COBLL1: variants seen among roughly 807,000 people sequenced by gnomAD.
The protein encoded by COBLL1 is cordon-bleu WH2 repeat protein like 1.
Under a neutral mutation model 94.8 loss-of-function variants are expected in COBLL1, and 50 were observed. The observed-to-expected ratio is 0.53, with a 90% CI of 0.42 to 0.67. COBLL1 has a LOEUF of 0.67. Ranked by LOEUF, COBLL1 falls within the 30% of genes least tolerant of loss-of-function variation. The pLI is 0.00. For synonymous variants in COBLL1, 448 were observed against 473.8 expected, an observed-to-expected ratio of 0.95 and a Z score of 0.71; for missense variants, 1,362 against 1,348.7, an observed-to-expected ratio of 1.01 and a Z score of -0.15.
At position 164,727,019 on chromosome 2, in the gene COBLL1, A is replaced by C. The variant is rs575595408; in HGVS notation, c.661+950T>G. Reference sequence around the variant, plus strand: ...CTCATACAGAATGAACACGTTAGTGATGTTAAGAAAGGGTAAAATTAGAAG... The same window carrying C: ...CTCATACAGAATGAACACGTTAGTGCTGTTAAGAAAGGGTAAAATTAGAAG... On this transcript the variant is annotated intron_variant, in intron 5 of 13. Transcript: ENST00000652658. 557 of 627,394 alleles carry C rather than the reference A, an allele frequency of 8.9e-4. 2 individuals are homozygous for C. The highest frequency in any genetic ancestry group is 1.3e-3 in the Non-Finnish European group (467 of 373,234). 38.9% of individuals were successfully genotyped at this position (627,394 alleles called of 1,614,324 possible). A position where few individuals can be genotyped will look rare whatever the true frequency, so the allele number is the denominator to read the frequency against.
chr2:164,752,865 T>C (rs1687197097), intron 2 of COBLL1, among the ~76,000 whole-genome samples: 2 of 152,196 alleles, frequency 1.3e-5, no homozygotes, highest in South Asian at 4.1e-4. Flanking sequence ...GGCCTTCCAT[T>C]TTCTCATTTA....
rs1357319740 is a variant in COBLL1, at chr2:164,693,918, G to A, written c.3123+351C>T. ...TATTACATAGTAATGTAAAATTGGA[G>A]AATAAACCAGAAGATTTAGACAAGT... is the stretch of plus-strand genomic sequence containing the variant. On this transcript the variant is annotated intron_variant, in intron 12 of 13. Transcript: ENST00000652658. Among the ~76,000 whole-genome samples, 4 of 151,960 alleles carry A rather than the reference G, an allele frequency of 2.6e-5. No homozygotes were observed. In the East Asian group the frequency reaches 7.7e-4, roughly 29 times the overall value.
intron 2 of COBLL1, among the ~76,000 whole-genome samples, chr2:164,756,330 C>T (rs529116701): frequency 6.6e-6 from 1 of 152,112 alleles, no homozygotes; most frequent in Non-Finnish European, 1.5e-5. Flanking sequence ...TACTGAGATG[C>T]TAAGTAACAT....
chr2:164,755,170 A>C (rs1270870733), intron 2 of COBLL1, among the ~76,000 whole-genome samples: 1 of 152,054 alleles, frequency 6.6e-6, no homozygotes, highest in African/African-American at 2.4e-5. Context: ...GTCTGCAATA[A>C]ATATATGAAA....
At chr2:164,836,500 G>T (rs1683326777) in intron 2 of COBLL1, among the ~76,000 whole-genome samples, 1 of 152,094 alleles carries the variant, frequency 6.6e-6, no homozygotes, top group South Asian at 2.1e-4. Context: ...AAAAGCATAG[G>T]TTTGGAATCA....
chr2:164,721,807 A>AT (rs998665478), intron 7 of COBLL1: 159 of 213,152 alleles, frequency 7.5e-4, no homozygotes, highest in East Asian at 2.2e-3. Flanking sequence ...AGGTTTTCAG[A>AT]TTTTTTTTTG....
chr2:164,690,165 TAAC>T (rs1429209144), intron 13 of COBLL1, among the ~76,000 whole-genome samples: 3 of 152,130 alleles, frequency 2.0e-5, no homozygotes, highest in Non-Finnish European at 4.4e-5. Context: ...TGGTACACAA[TAAC>T]AACATTTTTA....
chr2:164,673,412 C>G (rs867790074), intron 1 of COBLL1, among the ~76,000 whole-genome samples: 7 of 152,104 alleles, frequency 4.6e-5, no homozygotes, highest in Non-Finnish European at 7.4e-5. Context: ...CAGTGGCTCA[C>G]GCATGTAATC....
chr2:164,667,844 T>C (rs1691186750), intron 1 of COBLL1, among the ~76,000 whole-genome samples: 1 of 152,232 alleles, frequency 6.6e-6, no homozygotes, highest in South Asian at 2.1e-4. Context: ...TGCTTTCTTA[T>C]CATTCATGTG....
rs76951355 is a variant in COBLL1, at chr2:164,706,486, C to T, written c.997-1381G>A. 7.3e-3 allele frequency among the ~76,000 whole-genome samples: 1,116 copies of T among 152,280 alleles called. 12 individuals carry two copies. Among genetic ancestry groups the T allele is most frequent in the African/African-American group, 0.026 (1,072 of 41,562 alleles). On this transcript the variant is annotated intron_variant, in intron 7 of 13. Transcript: ENST00000652658. ...TGCATGCTGATGAATTCCAAATCCA[C>T]GTCTCTATCTTGGACCTCTGTTCTG...
intron 1 of COBLL1, among the ~76,000 whole-genome samples, chr2:164,672,567 C>A (rs1444144379): frequency 6.6e-6 from 1 of 151,608 alleles, no homozygotes; most frequent in Non-Finnish European, 1.5e-5. Context: ...GGCGCGGTGG[C>A]GGGCGCCTGT....
At chr2:164,801,471 C>CAAAAAAAA (rs1683798393) in intron 2 of COBLL1, among the ~76,000 whole-genome samples, 1 of 91,064 alleles carries the variant, frequency 1.1e-5, no homozygotes, top group African/African-American at 5.0e-5. Context: ...AAAAAAAAAG[C>CAAAAAAAA]TTAGCTAAGT....
At chr2:164,690,915 A>G (rs1683556746) in intron 13 of COBLL1, among the ~76,000 whole-genome samples, 1 of 152,204 alleles carries the variant, frequency 6.6e-6, no homozygotes, top group Non-Finnish European at 1.5e-5. Context: ...TAATTTATTA[A>G]CAAGGGCATT....
At chr2:164,766,928 C>G (rs1241633723) in intron 2 of COBLL1, among the ~76,000 whole-genome samples, 2 of 152,134 alleles carry the variant, frequency 1.3e-5, no homozygotes, top group Admixed American at 6.5e-5. Flanking sequence ...ATGATTAAAA[C>G]AGTATAATAA....
chr2:164,732,939 C>A (rs1439206841), intron 3 of COBLL1, among the ~76,000 whole-genome samples: 1 of 152,084 alleles, frequency 6.6e-6, no homozygotes, highest in East Asian at 1.9e-4. Context: ...TCTGTAGTCC[C>A]AGCTACTTGG....
Position 164,685,484 on chromosome 2 carries a change from T to C in COBLL1, c.*462A>G, listed in dbSNP as rs1574403796. The C allele has an allele frequency of 6.6e-6, 1 of 152,588 alleles. No homozygotes were observed. The highest frequency in any genetic ancestry group is 6.5e-5 in the Admixed American group (1 of 15,280). 9.5% of individuals were successfully genotyped at this position (152,588 alleles called of 1,614,324 possible). On this transcript the variant is annotated 3_prime_UTR_variant, in exon 14 of 14. Transcript: ENST00000652658. ...TATCACTAGTTTTCTAAATCATTCT[T>C]TCAGCCCAAAACAGGCTTTCATATA...
chr2:164,705,991 G>A (rs551218180), intron 7 of COBLL1, among the ~76,000 whole-genome samples: 47 of 152,270 alleles, frequency 3.1e-4, no homozygotes, highest in African/African-American at 1.0e-3. Flanking sequence ...CCAAGATTGC[G>A]CCATTGCACT....
intron 2 of COBLL1, among the ~76,000 whole-genome samples, chr2:164,789,375 T>C (rs1374707150): frequency 2.0e-5 from 3 of 152,024 alleles, no homozygotes; most frequent in Non-Finnish European, 2.9e-5. Context: ...GTACCCAAAG[T>C]AGTCAGAATT....
At chr2:164,704,302 T>C (rs944615188) in intron 9 of COBLL1, 142 bp downstream of exon 9, 3 of 640,460 alleles carry the variant, frequency 4.7e-6, no homozygotes, top group Non-Finnish European at 5.6e-6. Flanking sequence ...GGCAAGAATT[T>C]ATTTCATAAT....
Sources: gnomAD v4.1 joint callset for allele counts (sites outside exome capture counted in the v4.1 genomes callset) on GRCh38, gnomAD v4.1.1 for gene constraint, MANE v1.5 for transcripts, NCBI Gene and HGNC (gene_info 2026-07-23, HGNC 2026-07-21) for gene names.